LCORL: variants seen among roughly 807,000 people sequenced by gnomAD.
The protein encoded by LCORL is ligand-dependent nuclear receptor corepressor-like protein.
In LCORL, 41 loss-of-function variants were observed where a neutral mutation model predicts 141.8. The ratio of observed to expected loss-of-function variants is 0.29; its 90% CI spans 0.23 to 0.38. The LOEUF (loss-of-function observed/expected upper bound fraction) is 0.38, where lower values mean the gene tolerates loss of function less well. Ranked by LOEUF, LCORL falls within the 10% of genes least tolerant of loss-of-function variation. The probability of loss-of-function intolerance (pLI) is 1.00; values close to 1 mark genes in which losing one functional copy is unlikely to be tolerated. For missense variants in LCORL, 1,759 were observed against 2,035.0 expected (o/e 0.86, Z 2.61); for synonymous variants, 618 against 694.1 (o/e 0.89, Z 1.72).
In LCORL at chr4:17,897,220, T is replaced by C. The variant is rs1053825950; in HGVS notation, c.683-11059A>G. Among the ~76,000 whole-genome samples the C allele has an allele frequency of 1.4e-3, 131 of 96,572 alleles. 14 individuals carry two copies. Among genetic ancestry groups the C allele is most frequent in the African/African-American group, 7.3e-3 (108 of 14,716 alleles). The allele number at this position is 96,572 out of a possible 152,430, so 63.4% of individuals were successfully genotyped here. A position where few individuals can be genotyped will look rare whatever the true frequency, so the allele number is the denominator to read the frequency against. On this transcript the variant is annotated intron_variant, in intron 5 of 7. Coordinates refer to ENST00000635767, the Ensembl canonical transcript of LCORL. ...TCTTTGATATACTGATTTCTTTTTT[T>C]TTTTTTTTTTTTTTTTTTTTTTTTT...
intron 4 of LCORL, among the ~76,000 whole-genome samples, chr4:17,914,302 T>C (rs16896040): frequency 0.074 from 11,318 of 152,296 alleles, 960 homozygotes; most frequent in African/African-American, 0.21. Context: ...TTTAGCTAAC[T>C]GTCCTGAATT....
rs576767709 is a variant in LCORL, at chr4:18,018,424, T to C, written c.154+3174A>G. Among the ~76,000 whole-genome samples, 8 of 152,184 alleles carry C rather than the reference T, an allele frequency of 5.3e-5. No individual in the cohort carries two copies. In the South Asian group the frequency reaches 1.7e-3, roughly 32 times the overall value. On this transcript the variant is annotated intron_variant, in intron 1 of 7. Transcript: ENST00000635767. Reference sequence around the variant, plus strand: ...ACCACAATGTAAGTAGAGATATTAATTGGGACAAAAGGTTGTAGGACAACT... The same window carrying C: ...ACCACAATGTAAGTAGAGATATTAACTGGGACAAAAGGTTGTAGGACAACT...
At chr4:17,891,411 C>T (rs1220256791) in intron 5 of LCORL, among the ~76,000 whole-genome samples, 1 of 152,052 alleles carries the variant, frequency 6.6e-6, no homozygotes, top group East Asian at 1.9e-4. Flanking sequence ...TGTTTACACT[C>T]TTCTAGGTAT....
intron 4 of LCORL, 78 bp downstream of exon 4, chr4:17,961,825 A>C: frequency 8.1e-7 from 1 of 1,233,390 alleles, no homozygotes; most frequent in South Asian, 1.5e-5. Context: ...CTGACATATA[A>C]AAAACTTTTG....
intron 5 of LCORL, among the ~76,000 whole-genome samples, chr4:17,890,148 TTTC>T (rs1728874180): frequency 6.6e-6 from 1 of 152,092 alleles, no homozygotes; most frequent in South Asian, 2.1e-4. Flanking sequence ...CTTCTAAATT[TTTC>T]TTGTGTTCAT....
intron 4 of LCORL, among the ~76,000 whole-genome samples, chr4:17,936,800 G>A (rs955569006): frequency 1.3e-5 from 2 of 152,064 alleles, no homozygotes; most frequent in African/African-American, 4.8e-5. Flanking sequence ...CAGTAGGGGT[G>A]GCACAATAAC....
intron 1 of LCORL, among the ~76,000 whole-genome samples, chr4:18,013,033 C>T (rs894180684): frequency 6.6e-6 from 1 of 152,150 alleles, no homozygotes; most frequent in Admixed American, 6.5e-5. Context: ...ATATGGCTGC[C>T]ATCTCCCTCA....
At chr4:17,896,809 T>C (rs1250552058) in intron 5 of LCORL, among the ~76,000 whole-genome samples, 1 of 152,178 alleles carries the variant, frequency 6.6e-6, no homozygotes, top group East Asian at 1.9e-4. Flanking sequence ...TCTCAAATAC[T>C]AGATCTTATT....
intron 7 of LCORL, among the ~76,000 whole-genome samples, chr4:17,850,360 G>C (rs1446026797): frequency 6.7e-6 from 1 of 150,360 alleles, no homozygotes; most frequent in African/African-American, 2.4e-5. Flanking sequence ...CAGAATGGGA[G>C]AAAATTTTCA....
intron 4 of LCORL, among the ~76,000 whole-genome samples, chr4:17,945,014 T>C (rs1044478792): frequency 2.6e-5 from 4 of 152,096 alleles, no homozygotes; most frequent in African/African-American, 9.7e-5. Context: ...GGTGAAATAA[T>C]ATACAAAACT....
chr4:17,961,205 G>C (rs1713717867), intron 4 of LCORL, among the ~76,000 whole-genome samples: 1 of 151,982 alleles, frequency 6.6e-6, no homozygotes, highest in South Asian at 2.1e-4. Context: ...CAAAGGTCCA[G>C]GTGGTAAAAA....
intron 7 of LCORL, among the ~76,000 whole-genome samples, chr4:17,846,524 G>T (rs550819077): frequency 1.3e-5 from 2 of 152,120 alleles, no homozygotes; most frequent in Admixed American, 1.3e-4. Flanking sequence ...TAAACTTATG[G>T]CCAGCTCATC....
chr4:17,883,538 A>C, intron 6 of LCORL: 4 of 1,331,242 alleles, frequency 3.0e-6, no homozygotes, highest in Non-Finnish European at 3.8e-6. Flanking sequence ...CCCTGAATAA[A>C]ACTTTTTTTC....
At chr4:17,948,804 C>A (rs901405326) in intron 4 of LCORL, among the ~76,000 whole-genome samples, 3 of 149,424 alleles carry the variant, frequency 2.0e-5, no homozygotes, top group Admixed American at 1.3e-4. Flanking sequence ...AAATGGGAAA[C>A]AATTTTCAGA....
At chr4:17,859,544 A>T (rs1446703302) in intron 7 of LCORL, among the ~76,000 whole-genome samples, 1 of 152,210 alleles carries the variant, frequency 6.6e-6, no homozygotes, top group Non-Finnish European at 1.5e-5. Context: ...AAGATATGGG[A>T]TAGAAATCTG....
chr4:18,016,968 T>C (rs545095698), intron 1 of LCORL, among the ~76,000 whole-genome samples: 19 of 152,226 alleles, frequency 1.2e-4, no homozygotes, highest in African/African-American at 4.3e-4. Context: ...GGTATCTAAG[T>C]CTATTTTCCA....
At chr4:17,861,047 C>G (rs1421764174) in intron 7 of LCORL, among the ~76,000 whole-genome samples, 5 of 152,176 alleles carry the variant, frequency 3.3e-5, no homozygotes, top group Non-Finnish European at 7.4e-5. Context: ...GTGTATGGTG[C>G]AAGCTTTTGG....
intron 5 of LCORL, among the ~76,000 whole-genome samples, chr4:17,899,263 A>G (rs527291852): frequency 3.3e-5 from 5 of 152,178 alleles, no homozygotes; most frequent in Non-Finnish European, 7.4e-5. Flanking sequence ...TGTGTCATGA[A>G]GAAGTTTCTT....
chr4:17,891,252 G>A (rs1729026245), intron 5 of LCORL, among the ~76,000 whole-genome samples: 1 of 152,026 alleles, frequency 6.6e-6, no homozygotes, highest in South Asian at 2.1e-4. Flanking sequence ...GAAAATGAAA[G>A]AGAAATCAAC....
Sources: gnomAD v4.1 joint callset for allele counts (sites outside exome capture counted in the v4.1 genomes callset) on GRCh38, gnomAD v4.1.1 for gene constraint, MANE v1.5 for transcripts, NCBI Gene and HGNC (gene_info 2026-07-23, HGNC 2026-07-21) for gene names.